Variants in STX16 observed in about 807,000 individuals in gnomAD.
The protein encoded by STX16 is syntaxin-16.
STX16 carries 28 observed loss-of-function variants against 42.7 expected under a neutral mutation model. The ratio of observed to expected loss-of-function variants is 0.66; its 90% confidence interval spans 0.49 to 0.90. The LOEUF is 0.90. Ranked by LOEUF, STX16 falls within the 40% of genes least tolerant of loss-of-function variation. The pLI, the probability that STX16 is intolerant of heterozygous loss-of-function variation, is 0.00. For missense variants in STX16, 361 were observed against 420.9 expected (o/e 0.86, Z 1.24); for synonymous variants, 156 against 155.2 (o/e 1.00, Z -0.04).
chr20:58,673,822 ACT>A, intron 8 of STX16, 111 bp downstream of exon 8: 1 of 765,412 alleles, frequency 1.3e-6, no homozygotes, highest in Admixed American at 2.2e-5. Flanking sequence ...TGTGTTGTCC[ACT>A]CTCAATACAG....
intron 1 of STX16, 31 bp downstream of exon 1, chr20:58,652,169 G>C (rs769241617): frequency 6.2e-7 from 1 of 1,611,926 alleles, no homozygotes; most frequent in Non-Finnish European, 8.5e-7. Context: ...TCCGACACAC[G>C]GACCGTGTGC....
chr20:58,670,443 C>T (rs1296058488), intron 5 of STX16, 69 bp from the exon 6 acceptor site: 53 of 1,296,210 alleles, frequency 4.1e-5, no homozygotes, highest in Non-Finnish European at 4.9e-5. Context: ...AGAATTCCCC[C>T]TTTTAATGGT....
chr20:58,670,759 G>A (rs532284946), intron 6 of STX16, among the ~76,000 whole-genome samples, 156 bp downstream of exon 6: 2 of 152,328 alleles, frequency 1.3e-5, no homozygotes, highest in Admixed American at 6.5e-5. Flanking sequence ...AAGAACAGCC[G>A]TACTGTTTCT....
chr20:58,661,470 C>T (rs1448989259), intron 2 of STX16, among the ~76,000 whole-genome samples: 2 of 152,264 alleles, frequency 1.3e-5, no homozygotes, highest in African/African-American at 4.8e-5. Flanking sequence ...CCACGCTCAC[C>T]CCAGTGCTAT....
rs745933148 is a variant in STX16 at position 58,679,335 on chromosome 20, C to A, written c.*3044C>A. 1 of 152,608 alleles carries A rather than the reference C, an allele frequency of 6.6e-6. No homozygotes were observed. Among genetic ancestry groups the A allele is most frequent in the African/African-American group, 2.4e-5 (1 of 41,456 alleles). 9.5% of individuals were successfully genotyped at this position (152,608 alleles called of 1,614,324 possible). ...TAATGGCTTCTTAAAGGTAATAAAA[C>A]CCTTCCAACGTAATTGGTCAGATAA... On this transcript the variant is annotated 3_prime_UTR_variant, in exon 9 of 9. Transcript: ENST00000371141.
At chr20:58,674,561 C>T (rs932903779) in intron 8 of STX16, among the ~76,000 whole-genome samples, 5 of 152,136 alleles carry the variant, frequency 3.3e-5, no homozygotes, top group African/African-American at 1.2e-4. Context: ...TACCAGAGAT[C>T]GCCCCATTTA....
At chr20:58,659,563 C>G in intron 1 of STX16, 60 bp from the exon 2 acceptor site, 1 of 1,582,888 alleles carries the variant, frequency 6.3e-7, no homozygotes, top group Non-Finnish European at 8.6e-7. Context: ...CTGTCCCATG[C>G]TGCTTTCTTT....
At chr20:58,663,829 C>T (rs1207026737) in intron 2 of STX16, among the ~76,000 whole-genome samples, 1 of 152,162 alleles carries the variant, frequency 6.6e-6, no homozygotes, top group Non-Finnish European at 1.5e-5. Flanking sequence ...AGGTGCATGC[C>T]ACCATGCCCG....
rs1042744737 is a variant in STX16, at chr20:58,677,667, T to G, written c.*1376T>G. On this transcript the variant is annotated 3_prime_UTR_variant, in exon 9 of 9. Coordinates refer to ENST00000371141, the MANE Select transcript of STX16 (RefSeq NM_001001433.3). ...ATTGTTTTTGCTTCTCTTAAAAAGT[T>G]TAAGAAGAATATGACCTCATTAAAT... 2.6e-5 allele frequency: 4 copies of G among 152,246 alleles called. No homozygotes were observed. The highest frequency in any genetic ancestry group is 9.6e-5 in the African/African-American group (4 of 41,466). The allele number at this position is 152,246 out of a possible 1,614,324, so 9.4% of individuals were successfully genotyped here. A position where few individuals can be genotyped will look rare whatever the true frequency, so the allele number is the denominator to read the frequency against.
rs2122994726 is a variant in STX16, at chr20:58,670,554, C to T, written c.599C>T (p.Thr200Ile). 6.2e-7 allele frequency: 1 copy of T among 1,614,124 alleles called. No homozygotes were observed. The highest frequency in any genetic ancestry group is 1.1e-5 in the South Asian group (1 of 91,072). The change falls in exon 6 of 9, where the codon ACA becomes ATA. Residue 200 changes from threonine to isoleucine, a missense_variant. Coordinates refer to ENST00000371141, the MANE Select transcript of STX16 (RefSeq NM_001001433.3). ...GAAAGATCCCAGCATTTTTTCGACA[C>T]ATCAGTACCACTAATGGATGATGGA... ...REERSQHFFDTSVPLMDDGDD... is the reference protein window; with the variant it reads ...REERSQHFFDISVPLMDDGDD...
At chr20:58,668,568 T>C (rs1195364851) in intron 4 of STX16, among the ~76,000 whole-genome samples, 1 of 152,026 alleles carries the variant, frequency 6.6e-6, no homozygotes, top group African/African-American at 2.4e-5. Flanking sequence ...CCTCAGTGTT[T>C]ACATTTTTTA....
chr20:58,652,146 T>C lies in STX16; in HGVS notation c.132+8T>C, dbSNP rs749123924. The C allele has an allele frequency of 6.2e-7, 1 of 1,613,440 alleles. No individual in the cohort carries two copies. The highest frequency in any genetic ancestry group is 8.5e-7 in the Non-Finnish European group (1 of 1,179,922). On this transcript the variant is annotated splice_region_variant and intron_variant, in intron 1 of 8. Coordinates refer to ENST00000371141, the MANE Select transcript of STX16 (RefSeq NM_001001433.3). ...TCACGTAGCATTGCTGCGGTGAGTC[T>C]CCTGGCGGCCTCTCCGACACACGGA...
intron 8 of STX16, among the ~76,000 whole-genome samples, chr20:58,674,561 C>G (rs932903779): frequency 6.6e-6 from 1 of 152,136 alleles, no homozygotes; most frequent in South Asian, 2.1e-4. Context: ...TACCAGAGAT[C>G]GCCCCATTTA....
intron 1 of STX16, among the ~76,000 whole-genome samples, chr20:58,659,223 C>G (rs912842341): frequency 6.6e-6 from 1 of 152,050 alleles, no homozygotes; most frequent in East Asian, 1.9e-4. Context: ...TAGCTCTGCT[C>G]TCTTATTTTA....
chr20:58,658,436 CAT>C (rs917833071), intron 1 of STX16, among the ~76,000 whole-genome samples: 1 of 152,026 alleles, frequency 6.6e-6, no homozygotes, highest in African/African-American at 2.4e-5. Flanking sequence ...TTTTTGCTCT[CAT>C]AGAAAATTGT....
chr20:58,662,730 G>A (rs1244423016), intron 2 of STX16, among the ~76,000 whole-genome samples: 2 of 152,004 alleles, frequency 1.3e-5, no homozygotes, highest in Non-Finnish European at 1.5e-5. Flanking sequence ...GTTTTGACAT[G>A]TTGCTCAGGC....
Position 58,669,394 on chromosome 20 carries a change from C to T in STX16, c.497C>T (p.Ala166Val), listed in dbSNP as rs115544293. 1.2e-4 allele frequency: 198 copies of T among 1,611,946 alleles called. No individual in the cohort carries two copies. Among genetic ancestry groups the T allele is most frequent in the Non-Finnish European group, 1.5e-4 (182 of 1,179,410 alleles). Residue 166 changes from alanine (A) to valine (V), a missense_variant, in exon 5 of 9, where the codon GCG (alanine) becomes GTG (valine). Physicochemically the swap from Ala to Val is moderately conservative, Grantham distance 64 (BLOSUM62 0). Coordinates refer to ENST00000371141, the MANE Select transcript of STX16 (RefSeq NM_001001433.3). ...RLLGNVVASL[A>V]QALQELSTSF... ...CTTGGGAACGTGGTGGCCTCGCTGG[C>T]GCAGGCCCTGCAGGAACTCTCCACC...
At chr20:58,658,445 T>C (rs1372700138) in intron 1 of STX16, among the ~76,000 whole-genome samples, 4 of 152,196 alleles carry the variant, frequency 2.6e-5, no homozygotes, top group African/African-American at 9.7e-5. Flanking sequence ...TCATAGAAAA[T>C]TGTGGAAGGA....
chr20:58,673,604 T>A (rs772158197), intron 7 of STX16, 27 bp from the exon 8 acceptor site: 1 of 1,505,200 alleles, frequency 6.6e-7, no homozygotes. Context: ...TATTGTTGAT[T>A]GTCTGTAACT....
Sources: gnomAD v4.1 joint callset for allele counts (sites outside exome capture counted in the v4.1 genomes callset) on GRCh38, gnomAD v4.1.1 for gene constraint, MANE v1.5 for transcripts, NCBI Gene and HGNC (gene_info 2026-07-23, HGNC 2026-07-21) for gene names.